The following LARP1 variants were observed in gnomAD, a reference collection of about 807,000 sequenced individuals.
LARP1 encodes La ribonucleoprotein 1, translational regulator, also known as la-related protein 1.
LARP1 carries 36 observed loss-of-function variants against 122.7 expected under a neutral mutation model. The observed-to-expected ratio is 0.29, with a 90% CI of 0.22 to 0.39. The LOEUF is 0.39. Among genes scored for constraint, LARP1 ranks in the 10% least tolerant of loss-of-function variants. The pLI, the probability that LARP1 is intolerant of heterozygous loss-of-function variation, is 1.00. For synonymous variants in LARP1, 539 were observed against 528.7 expected (o/e 1.02, Z -0.27); for missense variants, 1,040 against 1,403.6 (o/e 0.74, Z 4.14).
intron 1 of LARP1, among the ~76,000 whole-genome samples, chr5:154,691,947 G>T (rs977319781): frequency 1.3e-5 from 2 of 148,890 alleles, no homozygotes; most frequent in East Asian, 3.9e-4. Flanking sequence ...GCGCCACCAC[G>T]CCCGGCTAAT....
upstream of LARP1, among the ~76,000 whole-genome samples, chr5:154,710,725 AGAGT>A (rs1455570243): frequency 7.1e-6 from 1 of 140,584 alleles, no homozygotes; most frequent in Non-Finnish European, 1.5e-5. Context: ...CCTGGGCGAC[AGAGT>A]GAGACTCCAT....
intron 9 of LARP1, 48 bp downstream of exon 9, chr5:154,799,807 T>A (rs369790148): frequency 1.2e-5 from 20 of 1,611,664 alleles, no homozygotes; most frequent in African/African-American, 2.7e-5. Flanking sequence ...TGGGCAACAG[T>A]CCTCCTCAGG....
chr5:154,750,610 T>C (rs1037899984), upstream of LARP1, among the ~76,000 whole-genome samples: 1 of 148,026 alleles, frequency 6.8e-6, no homozygotes, highest in Non-Finnish European at 1.5e-5. Context: ...ATTTGGTGAG[T>C]TTTATTTTTT....
chr5:154,749,799 C>G (rs1753392454), intron 1 of LARP1, among the ~76,000 whole-genome samples: 1 of 152,224 alleles, frequency 6.6e-6, no homozygotes, highest in South Asian at 2.1e-4. Context: ...GAACACAAGG[C>G]TCTTTGGAAA....
chr5:154,731,976 C>T (rs965747772), intron 1 of LARP1, among the ~76,000 whole-genome samples: 5 of 149,272 alleles, frequency 3.3e-5, no homozygotes, highest in African/African-American at 9.9e-5. Context: ...GAGCCGAGAT[C>T]ACGCCACTGC....
At chr5:154,722,152 G>A (rs1755912750) in intron 1 of LARP1, among the ~76,000 whole-genome samples, 1 of 152,148 alleles carries the variant, frequency 6.6e-6, no homozygotes, top group Non-Finnish European at 1.5e-5. Context: ...CCCTCACTGT[G>A]TGCAAGGCCA....
chr5:154,799,811 C>T (rs1232066815), intron 9 of LARP1, 52 bp downstream of exon 9: 2 of 1,611,618 alleles, frequency 1.2e-6, no homozygotes, highest in East Asian at 2.2e-5. Context: ...CAACAGTCCT[C>T]CTCAGGGCTG....
At chr5:154,746,712 T>C (rs990700787) in intron 1 of LARP1, among the ~76,000 whole-genome samples, 1 of 152,208 alleles carries the variant, frequency 6.6e-6, no homozygotes, top group African/African-American at 2.4e-5. Context: ...AGAAAGTGGG[T>C]CACTGGCTGG....
intron 1 of LARP1, among the ~76,000 whole-genome samples, chr5:154,692,554 T>G (rs1314827454): frequency 6.6e-6 from 1 of 152,204 alleles, no homozygotes; most frequent in Non-Finnish European, 1.5e-5. Flanking sequence ...TCCTCTTCTC[T>G]TCCCCACCCT....
intron 1 of LARP1, among the ~76,000 whole-genome samples, chr5:154,773,029 G>T (rs1582363472): frequency 7.7e-6 from 1 of 129,076 alleles, no homozygotes; most frequent in African/African-American, 3.0e-5. Context: ...TCTATCCTTT[G>T]AGTTACTGTT....
intron 15 of LARP1, among the ~76,000 whole-genome samples, chr5:154,806,443 C>T (rs1041007281): frequency 2.6e-5 from 4 of 152,100 alleles, no homozygotes; most frequent in African/African-American, 9.7e-5. Flanking sequence ...ATTCTGTTTT[C>T]GTATGGCTTT....
intron 7 of LARP1, 125 bp downstream of exon 7, chr5:154,794,387 G>T: frequency 1.2e-6 from 1 of 855,732 alleles, no homozygotes; most frequent in Non-Finnish European, 1.8e-6. Flanking sequence ...TGAAAAGATA[G>T]CTTTTCTCAT....
At chr5:154,689,634 AAAG>A (rs1582139224) in intron 1 of LARP1, among the ~76,000 whole-genome samples, 1 of 151,612 alleles carries the variant, frequency 6.6e-6, no homozygotes. Flanking sequence ...AAAAAAAAAA[AAAG>A]AAAGAAAAGA....
At chr5:154,721,112 G>T (rs948885967) in intron 1 of LARP1, among the ~76,000 whole-genome samples, 2 of 152,054 alleles carry the variant, frequency 1.3e-5, no homozygotes, top group Admixed American at 6.6e-5. Context: ...GGAAGCTGAG[G>T]TGGGAGGATC....
At chr5:154,747,393 C>T (rs538179839) in intron 1 of LARP1, among the ~76,000 whole-genome samples, 3 of 152,072 alleles carry the variant, frequency 2.0e-5, no homozygotes, top group Admixed American at 1.3e-4. Context: ...CATGGCGAAA[C>T]CTCGTCTCTA....
rs1326085254 is a variant in LARP1, at chr5:154,778,258, T to TTAAAAAAAA, written c.437-12067_437-12066insTAAAAAAAA. On this transcript the variant is annotated intron_variant, in intron 1 of 18. Transcript: ENST00000518297. ...CTGGGCCACAGAGCGAGACTCCGTC[T>TTAAAAAAAA]AAAAAAAAAAAAAAAAAAAGTGCAG... 7.6e-4 allele frequency among the ~76,000 whole-genome samples: 91 copies of TTAAAAAAAA among 119,694 alleles called. 2 individuals carry two copies. The highest frequency in any genetic ancestry group is 6.8e-3 in the East Asian group (29 of 4,246). The allele number at this position is 119,694 out of a possible 152,430, so 78.5% of individuals were successfully genotyped here. A position where few individuals can be genotyped will look rare whatever the true frequency, so the allele number is the denominator to read the frequency against.
chr5:154,741,460 G>A (rs998810054), intron 1 of LARP1, among the ~76,000 whole-genome samples: 21 of 152,196 alleles, frequency 1.4e-4, no homozygotes, highest in African/African-American at 5.1e-4. Context: ...CAAAATCAGA[G>A]GTTGTGATCT....
At chr5:154,739,443 C>T (rs17116405) in intron 1 of LARP1, among the ~76,000 whole-genome samples, 3,757 of 152,292 alleles carry the variant, frequency 0.025, 146 homozygotes, top group African/African-American at 0.083. Context: ...TTGCTAAAAG[C>T]GGTAAGGGCT....
At chr5:154,778,898 G>C (rs1157910648) in intron 1 of LARP1, among the ~76,000 whole-genome samples, 1 of 152,186 alleles carries the variant, frequency 6.6e-6, no homozygotes, top group Non-Finnish European at 1.5e-5. Context: ...CAAATATTTA[G>C]TATAAGTATG....
Sources: allele counts gnomAD v4.1 joint callset (sites outside exome capture counted in the v4.1 genomes callset), GRCh38; gene constraint gnomAD v4.1.1; transcripts MANE v1.5; gene names NCBI Gene and HGNC (gene_info 2026-07-23, HGNC 2026-07-21).